The following KMT2C variants were observed in gnomAD, a reference collection of about 807,000 sequenced individuals.
KMT2C encodes the protein lysine methyltransferase 2C.
KMT2C carries 88 observed loss-of-function variants against 507.9 expected under a neutral mutation model. That is an observed-to-expected ratio of 0.17 (90% CI 0.15 to 0.21). The LOEUF is 0.21. Ranked by LOEUF, KMT2C falls within the 10% of genes least tolerant of loss-of-function variation. The probability of loss-of-function intolerance (pLI) is 1.00; values close to 1 mark genes in which losing one functional copy is unlikely to be tolerated. For synonymous variants in KMT2C, 2,049 were observed against 2,080.8 expected, an observed-to-expected ratio of 0.98 and a Z score of 0.42; for missense variants, 4,954 against 5,957.8, an observed-to-expected ratio of 0.83 and a Z score of 5.55.
intron 3 of KMT2C, among the ~76,000 whole-genome samples, chr7:152,321,002 G>A (rs928617904): frequency 3.9e-5 from 6 of 152,034 alleles, no homozygotes; most frequent in African/African-American, 7.2e-5. Context: ...AGGAGGCTGA[G>A]GCAGGTGGAT....
At position 152,210,586 on chromosome 7, in the gene KMT2C, A is replaced by G. The variant is rs147786840; in HGVS notation, c.3713-3158T>C. Among the ~76,000 whole-genome samples the G allele has an allele frequency of 7.2e-3, 1,088 of 151,480 alleles. 11 individuals are homozygous for G. Among genetic ancestry groups the G allele is most frequent in the African/African-American group, 0.025 (1,033 of 41,242 alleles). ...TCATCAGCTATCATTAGTGTATTTT[A>G]TGTGTGGCCCAAGACAATGCTTCTT... On this transcript the variant is annotated intron_variant, in intron 23 of 58. Transcript: ENST00000262189.
intron 6 of KMT2C, among the ~76,000 whole-genome samples, chr7:152,299,057 C>T (rs564215563): frequency 2.0e-5 from 3 of 152,232 alleles, no homozygotes; most frequent in East Asian, 1.9e-4. Context: ...CGGTGGCTCA[C>T]GCCTGTAATC....
At chr7:152,321,617 T>C (rs893483125) in intron 3 of KMT2C, among the ~76,000 whole-genome samples, 7 of 151,992 alleles carry the variant, frequency 4.6e-5, no homozygotes, top group Admixed American at 3.3e-4. Context: ...AGCATTTCTA[T>C]ATACTAACAG....
At chr7:152,332,675 C>A (rs970378174) in intron 2 of KMT2C, among the ~76,000 whole-genome samples, 4 of 152,088 alleles carry the variant, frequency 2.6e-5, no homozygotes, top group Non-Finnish European at 5.9e-5. Flanking sequence ...ATGGTGAAAC[C>A]CTGTCTCTAC....
At chr7:152,297,002 A>AAAGG in intron 6 of KMT2C, among the ~76,000 whole-genome samples, 1 of 56,046 alleles carries the variant, frequency 1.8e-5, no homozygotes, top group Admixed American at 2.0e-4. Context: ...AAAGAAAAAG[A>AAAGG]AAGAAAGAAA....
intron 18 of KMT2C, among the ~76,000 whole-genome samples, chr7:152,226,296 G>C (rs1383640776): frequency 1.5e-5 from 2 of 134,170 alleles, no homozygotes; most frequent in East Asian, 4.7e-4. Flanking sequence ...GCAGTGGTGT[G>C]ATCTCAGCTC....
intron 9 of KMT2C, among the ~76,000 whole-genome samples, chr7:152,262,760 A>G (rs1051431422): frequency 2.6e-5 from 4 of 152,226 alleles, no homozygotes; most frequent in East Asian, 1.9e-4. Flanking sequence ...ATAGTGAAAA[A>G]GCAGACTAGG....
In KMT2C at chr7:152,136,748, C is replaced by T. The variant is rs186692085; in HGVS notation, c.*84G>A. 5.2e-5 allele frequency: 51 copies of T among 975,870 alleles called. No homozygotes were observed. The highest frequency in any genetic ancestry group is 7.9e-5 in the Non-Finnish European group (48 of 610,020). The allele number at this position is 975,870 out of a possible 1,614,324, so 60.5% of individuals were successfully genotyped here. Reference sequence around the variant, plus strand: ...GTCATAAAACAGAAAACAAAAATCTCTTTCTGTCTGCAAAATTCCAATGGT... The same window carrying T: ...GTCATAAAACAGAAAACAAAAATCTTTTTCTGTCTGCAAAATTCCAATGGT... On this transcript the variant is annotated 3_prime_UTR_variant, in exon 59 of 59. Transcript: ENST00000262189.
intron 3 of KMT2C, among the ~76,000 whole-genome samples, chr7:152,326,316 T>G (rs962603032): frequency 2.6e-5 from 4 of 152,184 alleles, no homozygotes; most frequent in African/African-American, 9.6e-5. Context: ...AAAATGTGAG[T>G]ATTATACTGC....
At position 152,311,871 on chromosome 7, in the gene KMT2C, A is replaced by G; in HGVS notation, c.666T>C (p.Gly222=). The G allele has an allele frequency of 6.2e-7, 1 of 1,611,996 alleles. No individual in the cohort carries two copies. Among genetic ancestry groups the G allele is most frequent in the Non-Finnish European group, 8.5e-7 (1 of 1,178,362 alleles). The change falls in exon 5 of 59, where the codon GGT becomes GGC. Residue 222 remains glycine, a synonymous_variant. Coordinates refer to ENST00000262189, the MANE Select transcript of KMT2C (RefSeq NM_170606.3). The part of the protein sequence containing the change: ...STQTASDDQA[G]KLWDELSLVG... ...CCAGACTGAGTTCATCCCACAGTTT[A>G]CCAGCTTGATCATCTGAAGCTGTCT...
intron 1 of KMT2C, among the ~76,000 whole-genome samples, chr7:152,364,629 A>AAG (rs2097223875): frequency 6.8e-6 from 1 of 147,654 alleles, no homozygotes; most frequent in African/African-American, 2.6e-5. Context: ...AAGAAAAGAA[A>AAG]AAAAGAAAAA....
At chr7:152,342,585 G>T (rs1405749198) in intron 2 of KMT2C, among the ~76,000 whole-genome samples, 1 of 152,184 alleles carries the variant, frequency 6.6e-6, no homozygotes, top group Non-Finnish European at 1.5e-5. Flanking sequence ...TACCTGAGCA[G>T]AAACCCATGG....
intron 41 of KMT2C, 74 bp from the exon 42 acceptor site, chr7:152,167,452 T>G: frequency 1.0e-6 from 1 of 1,000,158 alleles, no homozygotes. Flanking sequence ...AAATCTATTT[T>G]GTAAGGAAGT....
intron 22 of KMT2C, among the ~76,000 whole-genome samples, chr7:152,221,407 T>A (rs1217370204): frequency 2.0e-5 from 3 of 152,222 alleles, no homozygotes; most frequent in Non-Finnish European, 4.4e-5. Context: ...GAAGAGAGAA[T>A]ACTCCAGAAG....
chr7:152,202,076 TA>T (rs1319243277), intron 26 of KMT2C, among the ~76,000 whole-genome samples: 1 of 152,192 alleles, frequency 6.6e-6, no homozygotes, highest in Non-Finnish European at 1.5e-5. Flanking sequence ...AAAATTGATG[TA>T]AAAAATAAAT....
chr7:152,404,842 TTTTTG>T (rs557190554), intron 1 of KMT2C, among the ~76,000 whole-genome samples: 1 of 152,212 alleles, frequency 6.6e-6, no homozygotes, highest in African/African-American at 2.4e-5. Context: ...CTTTTTTGTT[TTTTTG>T]TTTTGTTTTG....
intron 1 of KMT2C, among the ~76,000 whole-genome samples, chr7:152,392,336 C>T (rs2097505501): frequency 6.6e-6 from 1 of 152,132 alleles, no homozygotes; most frequent in Non-Finnish European, 1.5e-5. Flanking sequence ...GTTCTCCAAA[C>T]TAAAATGAAA....
Position 152,181,959 on chromosome 7 carries a change from T to C in KMT2C, c.5901A>G (p.Pro1967=). The C allele has an allele frequency of 6.2e-7, 1 of 1,614,206 alleles. No homozygotes were observed. Among genetic ancestry groups the C allele is most frequent in the South Asian group, 1.1e-5 (1 of 91,084 alleles). ...TTNNDPYAKP[P]DTPRPVMTDQ... The stretch of plus-strand genomic sequence containing the variant: ...CTGTCATCACAGGCCTAGGTGTGTC[T>C]GGAGGTTTTGCATAGGGGTCATTAT... The change falls in exon 36 of 59, where the codon CCA becomes CCG. Residue 1967 remains proline, a synonymous_variant. Transcript: ENST00000262189.
chr7:152,418,624 G>T (rs959220050), intron 1 of KMT2C, among the ~76,000 whole-genome samples: 1 of 151,814 alleles, frequency 6.6e-6, no homozygotes, highest in Non-Finnish European at 1.5e-5. Context: ...TACAGAGGGG[G>T]TTTCACTATG....
Sources: gnomAD v4.1 joint callset for allele counts (sites outside exome capture counted in the v4.1 genomes callset) on GRCh38, gnomAD v4.1.1 for gene constraint, MANE v1.5 for transcripts, NCBI Gene and HGNC (gene_info 2026-07-23, HGNC 2026-07-21) for gene names.